The following MYL9 variants were observed in gnomAD, a reference collection of about 807,000 sequenced individuals.
MYL9 encodes myosin light chain 9.
Under a neutral mutation model 12.8 loss-of-function variants are expected in MYL9, and 7 were observed. The ratio of observed to expected loss-of-function variants is 0.55; its 90% CI spans 0.31 to 1.03. The LOEUF is 1.03. Among genes scored for constraint, MYL9 ranks in the 50% least tolerant of loss-of-function variants. The pLI is 0.05. For synonymous variants in MYL9, 81 were observed against 87.8 expected, an observed-to-expected ratio of 0.92 and a Z score of 0.43; for missense variants, 190 against 242.7, an observed-to-expected ratio of 0.78 and a Z score of 1.44.
chr20:36,546,139 A>G (rs949844927), intron 2 of MYL9, among the ~76,000 whole-genome samples: 2 of 152,148 alleles, frequency 1.3e-5, no homozygotes, highest in Admixed American at 1.3e-4. Flanking sequence ...ATCAAGTCCA[A>G]TTCTCTACTG....
intron 1 of MYL9, among the ~76,000 whole-genome samples, chr20:36,541,871 A>G (rs1382430711): frequency 6.6e-6 from 1 of 152,144 alleles, no homozygotes; most frequent in Non-Finnish European, 1.5e-5. Context: ...TGGAGATGCC[A>G]AGCCCAGAGC....
intron 1 of MYL9, among the ~76,000 whole-genome samples, chr20:36,543,506 C>T (rs2038060449): frequency 6.6e-6 from 1 of 152,216 alleles, no homozygotes; most frequent in Non-Finnish European, 1.5e-5. Flanking sequence ...GCCAGGCCCA[C>T]TGCCCCAGCC....
At chr20:36,546,018 C>T (rs570944880) in intron 2 of MYL9, among the ~76,000 whole-genome samples, 8 of 152,282 alleles carry the variant, frequency 5.3e-5, no homozygotes, top group Non-Finnish European at 1.0e-4. Flanking sequence ...CCTAGAGGGG[C>T]GGCCAGACCA....
intron 2 of MYL9, among the ~76,000 whole-genome samples, chr20:36,546,319 G>A (rs1156245139): frequency 2.0e-5 from 3 of 152,210 alleles, no homozygotes; most frequent in Non-Finnish European, 1.5e-5. Flanking sequence ...ACTGCCTGGG[G>A]GAGGGAGAGT....
intron 3 of MYL9, 114 bp downstream of exon 3, chr20:36,548,307 C>T (rs1426937558): frequency 1.5e-6 from 2 of 1,364,404 alleles, no homozygotes; most frequent in South Asian, 1.5e-5. Context: ...GGTTCTGTCA[C>T]CAGAACTATA....
At chr20:36,548,982 A>T in intron 3 of MYL9, 95 bp from the exon 4 acceptor site, 1 of 1,248,950 alleles carries the variant, frequency 8.0e-7, no homozygotes, top group Non-Finnish European at 1.1e-6. Context: ...CAGCCCCTCT[A>T]GGTCTGCAAG....
chr20:36,549,218 T>A lies in MYL9; in HGVS notation c.488T>A (p.Leu163His). ...AACTACGTGGAGTTCACCCGCATCC[T>A]CAAACATGGCGCCAAGGATAAAGAC... ...NFNYVEFTRI[L>H]KHGAKDKDD Residue 163 changes from leucine (L) to histidine (H), a missense_variant, in exon 4 of 4, where the codon CTC becomes CAC. By Grantham distance (99) the Leu-to-His change is moderately conservative (BLOSUM62 -3). Transcript: ENST00000279022. 3 of 1,613,786 alleles carry A rather than the reference T, an allele frequency of 1.9e-6. No individual in the cohort carries two copies. The highest frequency in any genetic ancestry group is 2.5e-6 in the Non-Finnish European group (3 of 1,179,948).
At chr20:36,543,798 A>AT (rs1555922015) in intron 1 of MYL9, among the ~76,000 whole-genome samples, 67 of 152,106 alleles carry the variant, frequency 4.4e-4, no homozygotes, top group Middle Eastern at 3.4e-3. Context: ...TCCCTAGGAG[A>AT]GGGGGGCGGT....
At chr20:36,547,090 G>A (rs1471969414) in intron 2 of MYL9, among the ~76,000 whole-genome samples, 2 of 152,076 alleles carry the variant, frequency 1.3e-5, no homozygotes, top group Non-Finnish European at 2.9e-5. Context: ...TATTTCCAAG[G>A]CCACACCCTG....
chr20:36,545,342 C>A (rs551734604), intron 2 of MYL9, among the ~76,000 whole-genome samples: 53 of 148,304 alleles, frequency 3.6e-4, no homozygotes, highest in South Asian at 6.5e-4. Flanking sequence ...CTAAAAATAC[C>A]AAAAATTAGC....
intron 2 of MYL9, among the ~76,000 whole-genome samples, 165 bp downstream of exon 2, chr20:36,545,233 C>G (rs1275441922): frequency 1.3e-5 from 2 of 152,186 alleles, no homozygotes; most frequent in Non-Finnish European, 2.9e-5. Context: ...CGCGGTGGCT[C>G]ACGCCTGTAA....
At chr20:36,547,803 G>T (rs1443789017) in intron 2 of MYL9, among the ~76,000 whole-genome samples, 1 of 152,230 alleles carries the variant, frequency 6.6e-6, no homozygotes, top group Non-Finnish European at 1.5e-5. Flanking sequence ...AGTGAGCACT[G>T]CCGGCTGCTG....
intron 1 of MYL9, among the ~76,000 whole-genome samples, chr20:36,543,907 G>A (rs892444035): frequency 4.6e-5 from 7 of 152,176 alleles, no homozygotes; most frequent in South Asian, 2.1e-4. Flanking sequence ...AGAAGGGTAG[G>A]ATTGTGGGTC....
At chr20:36,543,676 C>A (rs905231574) in intron 1 of MYL9, among the ~76,000 whole-genome samples, 10 of 152,248 alleles carry the variant, frequency 6.6e-5, no homozygotes, top group African/African-American at 2.2e-4. Flanking sequence ...AAACAAGCAT[C>A]TGTTAGCCCA....
intron 3 of MYL9, 122 bp downstream of exon 3, chr20:36,548,315 A>G (rs1170018862): frequency 2.3e-6 from 3 of 1,326,742 alleles, no homozygotes; most frequent in African/African-American, 1.5e-5. Context: ...CACCAGAACT[A>G]TAAAAGCCAG....
Position 36,549,074 on chromosome 20 carries a change from C to A in MYL9, c.347-3C>A. 2 of 1,611,832 alleles carry A rather than the reference C, an allele frequency of 1.2e-6. No individual in the cohort carries two copies. Among genetic ancestry groups the A allele is most frequent in the Non-Finnish European group, 1.7e-6 (2 of 1,179,396 alleles). ...CTCTCACCCACCCTGCCCCTGCCCG[C>A]AGGTTTCATCCATGAGGACCACCTC... On this transcript the variant is annotated splice_polypyrimidine_tract_variant and splice_region_variant and intron_variant, in intron 3 of 3. Coordinates refer to ENST00000279022, the MANE Select transcript of MYL9 (RefSeq NM_006097.5).
chr20:36,546,221 A>G (rs1307680404), intron 2 of MYL9, among the ~76,000 whole-genome samples: 1 of 152,188 alleles, frequency 6.6e-6, no homozygotes, highest in Non-Finnish European at 1.5e-5. Context: ...CTGCCCCAAC[A>G]TCCCTCCCAA....
chr20:36,542,918 C>T (rs972601576), intron 1 of MYL9, among the ~76,000 whole-genome samples: 1 of 152,202 alleles, frequency 6.6e-6, no homozygotes, highest in African/African-American at 2.4e-5. Context: ...TGGGCTCAGA[C>T]CCAGCTGTGG....
Position 36,542,075 on chromosome 20 carries a change from A to G in MYL9, c.-27+514A>G, listed in dbSNP as rs955847312. ...CCTGGGCCAGGGGAAAGGGACCGAG[A>G]CCAGGGGGCCCTTCCGACACAGCCA... is the stretch of plus-strand genomic sequence containing the variant. On this transcript the variant is annotated intron_variant, in intron 1 of 3. Transcript: ENST00000279022. Among the ~76,000 whole-genome samples, 3 of 152,048 alleles carry G rather than the reference A, an allele frequency of 2.0e-5. No homozygotes were observed. The South Asian group carries it at 6.2e-4, about 31-fold the overall frequency.
Sources: allele counts gnomAD v4.1 joint callset (sites outside exome capture counted in the v4.1 genomes callset), GRCh38; gene constraint gnomAD v4.1.1; transcripts MANE v1.5; gene names NCBI Gene and HGNC (gene_info 2026-07-23, HGNC 2026-07-21).